DCBLD1: variants seen among roughly 807,000 people sequenced by gnomAD.
DCBLD1 encodes the protein discoidin, CUB and LCCL domain containing 1, also known as discoidin, CUB and LCCL domain-containing protein 1.
Under a neutral mutation model 71.5 loss-of-function variants are expected in DCBLD1, and 57 were observed. The ratio of observed to expected loss-of-function variants is 0.80; its 90% CI spans 0.64 to 0.99. DCBLD1 has a LOEUF of 0.99. Among genes scored for constraint, DCBLD1 ranks in the 50% least tolerant of loss-of-function variants. DCBLD1 has a pLI of 0.00. For missense variants in DCBLD1, 891 were observed against 923.5 expected (o/e 0.96, Z 0.46); for synonymous variants, 380 against 363.8 (o/e 1.04, Z -0.51).
chr6:117,524,468 T>G (rs1157837085), intron 4 of DCBLD1, among the ~76,000 whole-genome samples: 3 of 152,164 alleles, frequency 2.0e-5, no homozygotes, highest in Non-Finnish European at 4.4e-5. Context: ...CCTCCCAAAG[T>G]GCTGAGATTA....
chr6:117,497,352 T>C (rs9766117), intron 1 of DCBLD1, among the ~76,000 whole-genome samples: 35,329 of 152,168 alleles, frequency 0.23, 4,509 homozygotes, highest in African/African-American at 0.33. Flanking sequence ...ATTTTGCTTT[T>C]CTTTTAGTGG....
intron 2 of DCBLD1, among the ~76,000 whole-genome samples, chr6:117,513,795 T>C (rs1388298863): frequency 6.6e-6 from 1 of 152,234 alleles, no homozygotes; most frequent in Non-Finnish European, 1.5e-5. Flanking sequence ...AGCCCAAGAA[T>C]ATAACCACAA....
intron 11 of DCBLD1, 112 bp from the exon 12 acceptor site, chr6:117,543,012 T>C: frequency 1.2e-6 from 1 of 839,340 alleles, no homozygotes; most frequent in Non-Finnish European, 2.0e-6. Context: ...GTATTCATTT[T>C]CCCCCTATAT....
intron 14 of DCBLD1, chr6:117,547,480 C>G (rs1779304226): frequency 2.1e-6 from 1 of 468,106 alleles, no homozygotes; most frequent in Admixed American, 2.4e-5. Context: ...TGACCTGTTG[C>G]TTTGGTCCTC....
intron 2 of DCBLD1, among the ~76,000 whole-genome samples, chr6:117,518,430 C>G (rs1301178082): frequency 1.3e-5 from 2 of 152,208 alleles, no homozygotes; most frequent in African/African-American, 2.4e-5. Flanking sequence ...GTTCCAACCT[C>G]TGCCTGTTAC....
chr6:117,566,582 G>A lies in DCBLD1; in HGVS notation c.1616-3038G>A, dbSNP rs146530360. On this transcript the variant is annotated intron_variant, in intron 14 of 14. Transcript: ENST00000296955. ...ATAGTATATTGGTCTTTGTTTCAGA[G>A]TCTAGAAAAAATTTTATTTATTTTT... Among the ~76,000 whole-genome samples, 52 of 152,216 alleles carry A rather than the reference G, an allele frequency of 3.4e-4. No homozygotes were observed. The East Asian group carries it at 8.5e-3, about 25-fold the overall frequency.
intron 14 of DCBLD1, among the ~76,000 whole-genome samples, chr6:117,564,902 G>C (rs143253616): frequency 1.3e-3 from 198 of 152,268 alleles, no homozygotes; most frequent in African/African-American, 4.6e-3. Flanking sequence ...CAACACACAA[G>C]TTTATCAAAA....
At chr6:117,526,093 GT>G (rs1778538964) in intron 5 of DCBLD1, among the ~76,000 whole-genome samples, 1 of 152,178 alleles carries the variant, frequency 6.6e-6, no homozygotes, top group Admixed American at 6.5e-5. Flanking sequence ...TTGTGAAACT[GT>G]TCTTAAAGTT....
intron 1 of DCBLD1, among the ~76,000 whole-genome samples, chr6:117,487,302 C>T (rs1165071796): frequency 3.9e-5 from 6 of 152,072 alleles, no homozygotes; most frequent in Non-Finnish European, 8.8e-5. Flanking sequence ...AACACAATTC[C>T]TGCCCTGTAA....
chr6:117,532,623 C>G (rs1038315938), intron 6 of DCBLD1, among the ~76,000 whole-genome samples: 1 of 152,250 alleles, frequency 6.6e-6, no homozygotes, highest in Non-Finnish European at 1.5e-5. Flanking sequence ...ATGGCACACT[C>G]TGAAGCCCTG....
chr6:117,530,188 T>C lies in DCBLD1; in HGVS notation c.586-2072T>C, dbSNP rs141798011. Among the ~76,000 whole-genome samples the C allele has an allele frequency of 5.7e-3, 872 of 152,242 alleles. 7 individuals carry two copies. Among genetic ancestry groups the C allele is most frequent in the Non-Finnish European group, 6.1e-3 (414 of 68,024 alleles). On this transcript the variant is annotated intron_variant, in intron 5 of 14. Coordinates refer to ENST00000338728, the MANE Select transcript of DCBLD1 (RefSeq NM_001366458.2). ...CCTATAATATAAACGGTGTACTGGG[T>C]ACCCTTTAGAATCACAAGGTGACAG... is the stretch of plus-strand genomic sequence containing the variant.
chr6:117,488,489 A>G (rs148185374), intron 1 of DCBLD1, among the ~76,000 whole-genome samples: 3 of 152,252 alleles, frequency 2.0e-5, no homozygotes, highest in East Asian at 3.9e-4. Context: ...TACAAAAAAT[A>G]CAAAAATTTG....
intron 8 of DCBLD1, 71 bp from the exon 9 acceptor site, chr6:117,539,184 C>G: frequency 2.2e-6 from 3 of 1,344,590 alleles, no homozygotes; most frequent in Admixed American, 2.5e-5. Context: ...AAAAATGAAA[C>G]TTGAAATTAT....
At chr6:117,566,551 C>T (rs540243966) in intron 14 of DCBLD1, among the ~76,000 whole-genome samples, 143 of 152,196 alleles carry the variant, frequency 9.4e-4, no homozygotes, top group African/African-American at 3.2e-3. Flanking sequence ...GATAGATCTA[C>T]TCAAAATAGT....
intron 1 of DCBLD1, among the ~76,000 whole-genome samples, chr6:117,495,616 T>C (rs1024969067): frequency 1.3e-5 from 2 of 152,206 alleles, no homozygotes; most frequent in Non-Finnish European, 2.9e-5. Flanking sequence ...ACCATTATGC[T>C]CTGTCACCTC....
chr6:117,539,384 G>C lies in DCBLD1; in HGVS notation c.1101+5G>C, dbSNP rs773378303. The C allele has an allele frequency of 6.2e-7, 1 of 1,600,012 alleles. No homozygotes were observed. The highest frequency in any genetic ancestry group is 2.2e-5 in the East Asian group (1 of 44,704). ...ATTGTGAATAATGAAGAAAAGGTAA[G>C]AGGTAACCCTAGAGGCAAGAGAACT... On this transcript the variant is annotated splice_donor_5th_base_variant and intron_variant, in intron 9 of 14. Coordinates refer to ENST00000338728, the MANE Select transcript of DCBLD1 (RefSeq NM_001366458.2).
At chr6:117,559,911 A>G (rs980579353) in intron 14 of DCBLD1, among the ~76,000 whole-genome samples, 3 of 152,190 alleles carry the variant, frequency 2.0e-5, no homozygotes, top group Admixed American at 1.3e-4. Context: ...CGGAAAGCAT[A>G]TATGTATTAG....
intron 1 of DCBLD1, among the ~76,000 whole-genome samples, chr6:117,491,630 T>C (rs1315710437): frequency 3.3e-5 from 5 of 152,212 alleles, no homozygotes; most frequent in Admixed American, 6.5e-5. Context: ...ACTCAAGTCA[T>C]ATTCAAATTT....
intron 4 of DCBLD1, among the ~76,000 whole-genome samples, chr6:117,522,629 T>C (rs1669044251): frequency 6.6e-6 from 1 of 152,032 alleles, no homozygotes; most frequent in African/African-American, 2.4e-5. Context: ...TTTTTAGAAA[T>C]GGGTGTCTTT....
Sources: allele counts gnomAD v4.1 joint callset (sites outside exome capture counted in the v4.1 genomes callset), GRCh38; gene constraint gnomAD v4.1.1; transcripts MANE v1.5; gene names NCBI Gene and HGNC (gene_info 2026-07-23, HGNC 2026-07-21).